The following PCDH7 variants were observed in gnomAD, a reference collection of about 807,000 sequenced individuals.
PCDH7 encodes protocadherin 7.
PCDH7 carries 17 observed loss-of-function variants against 58.9 expected under a neutral mutation model. That is an observed-to-expected ratio of 0.29 (90% CI 0.20 to 0.43). The LOEUF is 0.43. PCDH7 is among the 20% of genes least tolerant of loss of function. The pLI, the probability that PCDH7 is intolerant of heterozygous loss-of-function variation, is 1.00. For synonymous variants in PCDH7, 664 were observed against 616.4 expected, an observed-to-expected ratio of 1.08 and a Z score of -1.14; for missense variants, 1,274 against 1,441.0, an observed-to-expected ratio of 0.88 and a Z score of 1.88.
At chr4:31,083,425 T>C (rs1009232678) in intron 3 of PCDH7, among the ~76,000 whole-genome samples, 1 of 152,190 alleles carries the variant, frequency 6.6e-6, no homozygotes, top group Non-Finnish European at 1.5e-5. Flanking sequence ...TTATTTAACA[T>C]GCTCTTTCTG....
chr4:31,019,369 C>T (rs1435395563), intron 3 of PCDH7, among the ~76,000 whole-genome samples: 2 of 152,080 alleles, frequency 1.3e-5, no homozygotes, highest in Non-Finnish European at 1.5e-5. Flanking sequence ...TTGCATGAGG[C>T]CACATGTCTG....
At chr4:30,910,070 T>C (rs1741528584) in intron 1 of PCDH7, among the ~76,000 whole-genome samples, 1 of 152,098 alleles carries the variant, frequency 6.6e-6, no homozygotes, top group African/African-American at 2.4e-5. Context: ...AAACAAGCAA[T>C]GGAGAAAGGA....
chr4:30,943,061 A>C (rs1009480919), intron 2 of PCDH7, among the ~76,000 whole-genome samples: 1 of 152,008 alleles, frequency 6.6e-6, no homozygotes, highest in African/African-American at 2.4e-5. Context: ...GTTTGCAAAA[A>C]CCTGCATAAG....
At chr4:31,059,646 C>T (rs1450379789) in intron 3 of PCDH7, among the ~76,000 whole-genome samples, 1 of 151,646 alleles carries the variant, frequency 6.6e-6, no homozygotes, top group Non-Finnish European at 1.5e-5. Context: ...TCCATTTGTT[C>T]AATAATCTGG....
chr4:30,838,385 A>G (rs1730780222), intron 1 of PCDH7, among the ~76,000 whole-genome samples: 1 of 152,158 alleles, frequency 6.6e-6, no homozygotes, highest in Admixed American at 6.6e-5. Flanking sequence ...GATGTACTTA[A>G]ATTAGGCCTT....
At chr4:31,108,873 C>T (rs1715933570) in intron 3 of PCDH7, among the ~76,000 whole-genome samples, 2 of 152,008 alleles carry the variant, frequency 1.3e-5, no homozygotes, top group Non-Finnish European at 2.9e-5. Flanking sequence ...TGGCTTAAGG[C>T]AATAAACATT....
chr4:30,736,366 A>G (rs1716258488), downstream of PCDH7, among the ~76,000 whole-genome samples: 1 of 152,192 alleles, frequency 6.6e-6, no homozygotes, highest in Admixed American at 6.5e-5. Context: ...TCTTTTAGCA[A>G]AACAATAAAG....
intron 3 of PCDH7, among the ~76,000 whole-genome samples, chr4:31,095,269 C>A (rs1401740826): frequency 6.6e-6 from 1 of 151,710 alleles, no homozygotes; most frequent in African/African-American, 2.4e-5. Context: ...CTAGTGAGTC[C>A]CTCCCTGCCA....
chr4:30,740,596 A>T (rs563366584), intron 1 of PCDH7, among the ~76,000 whole-genome samples: 11 of 152,232 alleles, frequency 7.2e-5, no homozygotes, highest in African/African-American at 2.4e-4. Context: ...ATGCCTTTTC[A>T]TAGAGAATAA....
At chr4:31,097,990 A>G (rs1157632150) in intron 3 of PCDH7, among the ~76,000 whole-genome samples, 1 of 152,134 alleles carries the variant, frequency 6.6e-6, no homozygotes, top group East Asian at 1.9e-4. Context: ...TTTAGGAAAG[A>G]TTCTTTCAGG....
intron 1 of PCDH7, among the ~76,000 whole-genome samples, chr4:30,910,551 G>GA (rs1208280567): frequency 6.6e-6 from 1 of 151,990 alleles, no homozygotes; most frequent in Non-Finnish European, 1.5e-5. Context: ...ACAAACATAT[G>GA]AAAAAAAGCC....
At chr4:30,914,263 C>T (rs947153857) in intron 1 of PCDH7, among the ~76,000 whole-genome samples, 5 of 152,138 alleles carry the variant, frequency 3.3e-5, no homozygotes, top group East Asian at 1.9e-4. Flanking sequence ...AATGATGGTA[C>T]GTACAATGCT....
rs972513381 is a variant in PCDH7 at position 30,722,159 on chromosome 4, T to C, written c.737T>C (p.Leu246Pro). The change falls in exon 1 of 2, where the codon CTG (leucine) becomes CCG (proline). Residue 246 changes from leucine to proline, a missense_variant. Around this residue, in one of 3 missense-constraint regions of PCDH7, gnomAD observed 331 missense variants for 303.2 expected, o/e 1.09. Transcript: ENST00000361762. The surrounding 1 kb of genome is among the most constrained non-coding windows in gnomAD (Gnocchi z 7.6). Reference sequence around the variant, plus strand: ...GGCGGCCGCAGCAGCGTGTTCGAGCTGCAGGTGGCGGACACCCCGGACGGC... The same window carrying C: ...GGCGGCCGCAGCAGCGTGTTCGAGCCGCAGGTGGCGGACACCCCGGACGGC... 1.3e-6 allele frequency: 2 copies of C among 1,519,152 alleles called. No individual in the cohort carries two copies. Among genetic ancestry groups the C allele is most frequent in the African/African-American group, 2.8e-5 (2 of 71,140 alleles). 94.1% of individuals were successfully genotyped at this position (1,519,152 alleles called of 1,614,324 possible).
intron 1 of PCDH7, among the ~76,000 whole-genome samples, chr4:30,821,973 G>T (rs1227954831): frequency 6.6e-6 from 1 of 152,124 alleles, no homozygotes; most frequent in African/African-American, 2.4e-5. Context: ...TTTATTAACG[G>T]TTGAATTAAG....
chr4:31,098,224 A>G (rs1169385662), intron 3 of PCDH7, among the ~76,000 whole-genome samples: 1 of 152,194 alleles, frequency 6.6e-6, no homozygotes, highest in Non-Finnish European at 1.5e-5. Flanking sequence ...GTGAAAGCAT[A>G]TTATCATCTT....
intron 3 of PCDH7, among the ~76,000 whole-genome samples, chr4:31,102,787 C>G (rs760990700): frequency 1.3e-5 from 2 of 151,958 alleles, no homozygotes; most frequent in Non-Finnish European, 2.9e-5. Flanking sequence ...GTACATGTAA[C>G]TTTTATTTCC....
intron 1 of PCDH7, among the ~76,000 whole-genome samples, chr4:30,740,136 G>A (rs185666743): frequency 3.3e-5 from 5 of 152,276 alleles, no homozygotes; most frequent in Admixed American, 2.6e-4. Flanking sequence ...TGAAGTTTAG[G>A]TAAGGACAGT....
chr4:30,722,602 C>T lies in PCDH7; in HGVS notation c.1180C>T (p.Pro394Ser). 1 of 1,613,224 alleles carries T rather than the reference C, an allele frequency of 6.2e-7. No individual in the cohort carries two copies. Among genetic ancestry groups the T allele is most frequent in the Non-Finnish European group, 8.5e-7 (1 of 1,180,044 alleles). ...CATGGCCCGCGACCGCGGGCAGCCC[C>T]CCAAGACCGACAAGGCCACCGTGGT... The change falls in exon 1 of 2, where the codon CCC becomes TCC. Residue 394 changes from proline to serine, a missense_variant. By Grantham distance (74) the Pro-to-Ser change is moderately conservative. Transcript: ENST00000361762. This position sits in a 1 kb window ranked among gnomAD's most constrained non-coding sequence, Gnocchi z 7.6.
intron 3 of PCDH7, among the ~76,000 whole-genome samples, chr4:30,972,683 C>T (rs924394965): frequency 2.6e-5 from 4 of 152,130 alleles, no homozygotes; most frequent in Admixed American, 2.6e-4. Context: ...TTATTTTGCT[C>T]ATAAAATCAC....
Sources: gnomAD v4.1 joint callset for allele counts (sites outside exome capture counted in the v4.1 genomes callset) on GRCh38, gnomAD v4.1.1 for gene constraint, gnomAD v4.1.1 regional missense constraint, Gnocchi (gnomAD v3.1) non-coding constraint, MANE v1.5 for transcripts, NCBI Gene and HGNC (gene_info 2026-07-23, HGNC 2026-07-21) for gene names.